Variants in CLVS1 observed in about 807,000 individuals in gnomAD.
CLVS1 encodes clavesin 1, also known as clavesin-1.
Under a neutral mutation model 33.1 loss-of-function variants are expected in CLVS1, and 10 were observed. The observed-to-expected ratio is 0.30, with a 90% CI of 0.19 to 0.51. The LOEUF (loss-of-function observed/expected upper bound fraction) is 0.51. Among genes scored for constraint, CLVS1 ranks in the 20% least tolerant of loss-of-function variants. The pLI is 0.97. For missense variants in CLVS1, 343 were observed against 433.4 expected (o/e 0.79, Z 1.85); for synonymous variants, 163 against 166.1 (o/e 0.98, Z 0.14).
At chr8:61,001,018 A>G in the CLVS1 span, among the ~76,000 whole-genome samples, 2 of 152,230 alleles carry the variant, frequency 1.3e-5, no homozygotes, top group Admixed American at 1.3e-4. Context: ...CCCAACTTGC[A>G]GTCTACCTCA....
chr8:61,423,199 T>C (rs1815750513), intron 3 of CLVS1, among the ~76,000 whole-genome samples: 1 of 152,196 alleles, frequency 6.6e-6, no homozygotes, highest in South Asian at 2.1e-4. Flanking sequence ...CCTGGGCTTT[T>C]TCCCAGTCTG....
At chr8:61,466,869 G>C (rs1019181435) in intron 5 of CLVS1, among the ~76,000 whole-genome samples, 2 of 151,984 alleles carry the variant, frequency 1.3e-5, no homozygotes, top group Non-Finnish European at 2.9e-5. Flanking sequence ...AGCTGGTCTC[G>C]AACTCCTGAT....
intron 2 of CLVS1, among the ~76,000 whole-genome samples, chr8:61,370,967 C>T (rs1320009850): frequency 6.6e-6 from 1 of 152,178 alleles, no homozygotes; most frequent in African/African-American, 2.4e-5. Flanking sequence ...CATGCATGAG[C>T]AAGTGTCTTT....
intron 5 of CLVS1, among the ~76,000 whole-genome samples, chr8:61,481,213 A>T (rs1265411159): frequency 6.6e-6 from 1 of 152,094 alleles, no homozygotes; most frequent in Non-Finnish European, 1.5e-5. Flanking sequence ...CTAGCTCTGC[A>T]ATTTGGTGTA....
intron 2 of CLVS1, among the ~76,000 whole-genome samples, chr8:61,185,475 A>G (rs1035357276): frequency 4.6e-5 from 7 of 152,098 alleles, no homozygotes; most frequent in Non-Finnish European, 1.0e-4. Flanking sequence ...TTTAATGGCT[A>G]TACTGTATCA....
rs569440072 is a variant in CLVS1, at chr8:61,193,591, C to T, written c.-152+61731C>T. Among the ~76,000 whole-genome samples the T allele has an allele frequency of 1.6e-4, 24 of 151,846 alleles. No individual in the cohort carries two copies. In the South Asian group the frequency reaches 4.0e-3, roughly 25 times the overall value. On this transcript the variant is annotated intron_variant, in intron 2 of 2. Transcript: ENST00000522621. The stretch of plus-strand genomic sequence containing the variant: ...AGTCTTAACAACAAAAGTCAGAAGA[C>T]GAGGAAATGTTTTCAGTGTACTGTA...
intron 1 of CLVS1, among the ~76,000 whole-genome samples, chr8:61,126,176 GCA>G (rs891624421): frequency 2.0e-5 from 3 of 151,728 alleles, no homozygotes; most frequent in African/African-American, 7.3e-5. Flanking sequence ...ACACACATAT[GCA>G]CACACACACA....
chr8:61,235,720 T>C (rs960818064), intron 2 of CLVS1, among the ~76,000 whole-genome samples: 10 of 152,176 alleles, frequency 6.6e-5, no homozygotes, highest in Admixed American at 2.0e-4. Context: ...CTCACAAACA[T>C]CAGGTGATTT....
chr8:61,407,685 C>A (rs1254813772), intron 3 of CLVS1, among the ~76,000 whole-genome samples: 1 of 152,126 alleles, frequency 6.6e-6, no homozygotes, highest in Non-Finnish European at 1.5e-5. Flanking sequence ...ATTAAATAAG[C>A]CGTTTAAGTT....
At chr8:61,177,009 C>T (rs56146367) in intron 2 of CLVS1, among the ~76,000 whole-genome samples, 3 of 144,362 alleles carry the variant, frequency 2.1e-5, no homozygotes, top group South Asian at 2.4e-4. Context: ...GAGTTCCTTG[C>T]GGGAGGTGTG....
At chr8:61,308,710 G>A (rs887089466) in intron 2 of CLVS1, among the ~76,000 whole-genome samples, 2 of 152,106 alleles carry the variant, frequency 1.3e-5, no homozygotes, top group African/African-American at 2.4e-5. Flanking sequence ...CTTAATATCA[G>A]CATCAATAAC....
intron 2 of CLVS1, among the ~76,000 whole-genome samples, chr8:61,336,470 A>T (rs1394205001): frequency 6.6e-6 from 1 of 152,140 alleles, no homozygotes; most frequent in Non-Finnish European, 1.5e-5. Flanking sequence ...TCCTGCACAA[A>T]GGGTCCTCAC....
At chr8:61,363,997 A>C (rs75886911) in intron 2 of CLVS1, among the ~76,000 whole-genome samples, 56 of 152,252 alleles carry the variant, frequency 3.7e-4, no homozygotes, top group African/African-American at 1.2e-3. Context: ...TCTCATATTT[A>C]CAGTGCTCTA....
chr8:61,279,421 G>C (rs746596025), intron 2 of CLVS1, among the ~76,000 whole-genome samples: 9 of 152,136 alleles, frequency 5.9e-5, no homozygotes, highest in Non-Finnish European at 1.3e-4. Flanking sequence ...TGATCTCTCA[G>C]AGTACTGACT....
At chr8:61,117,438 C>T (rs1363240618) in intron 1 of CLVS1, among the ~76,000 whole-genome samples, 1 of 151,930 alleles carries the variant, frequency 6.6e-6, no homozygotes, top group Non-Finnish European at 1.5e-5. Context: ...GAGGGCATCC[C>T]TGTCTTGCGC....
intron 3 of CLVS1, among the ~76,000 whole-genome samples, chr8:61,385,084 C>G (rs7842754): frequency 6.6e-6 from 1 of 151,988 alleles, no homozygotes; most frequent in Non-Finnish European, 1.5e-5. Flanking sequence ...TAGAGGAAAC[C>G]GGAGGAAAGG....
At chr8:61,291,542 G>A (rs1809991107) in intron 1 of CLVS1, among the ~76,000 whole-genome samples, 1 of 152,112 alleles carries the variant, frequency 6.6e-6, no homozygotes, top group Non-Finnish European at 1.5e-5. Context: ...ATGGGCCTGG[G>A]AATAGCATGT....
intron 2 of CLVS1, among the ~76,000 whole-genome samples, chr8:61,369,799 C>G (rs1275834411): frequency 1.3e-5 from 2 of 152,194 alleles, no homozygotes; most frequent in African/African-American, 4.8e-5. Flanking sequence ...TTCTCAAGTA[C>G]AGGCCCTTTT....
intron 2 of CLVS1, among the ~76,000 whole-genome samples, chr8:61,338,980 G>A (rs1226904108): frequency 6.8e-6 from 1 of 146,506 alleles, no homozygotes; most frequent in Non-Finnish European, 1.5e-5. Flanking sequence ...GTGTGTGTGT[G>A]TGTGTGTGTG....
Sources: allele counts gnomAD v4.1 joint callset (sites outside exome capture counted in the v4.1 genomes callset), GRCh38; gene constraint gnomAD v4.1.1; transcripts MANE v1.5; gene names NCBI Gene and HGNC (gene_info 2026-07-23, HGNC 2026-07-21).